The following EHD4 variants were observed in gnomAD, a reference collection of about 807,000 sequenced individuals.
EHD4 encodes the protein EH domain containing 4, also known as EH domain-containing protein 4.
In EHD4, 37 loss-of-function variants were observed where a neutral mutation model predicts 51.0. That is an observed-to-expected ratio of 0.73 (90% CI 0.56 to 0.95). The LOEUF is 0.95. Among genes scored for constraint, EHD4 ranks in the 40% least tolerant of loss-of-function variants. The probability of loss-of-function intolerance (pLI) is 0.00; values close to 1 mark genes in which losing one functional copy is unlikely to be tolerated. For synonymous variants in EHD4, 297 were observed against 317.3 expected (o/e 0.94, Z 0.68); for missense variants, 632 against 733.1 (o/e 0.86, Z 1.59).
At position 41,919,482 on chromosome 15, in the gene EHD4, G is replaced by C. The variant is rs576091991; in HGVS notation, c.652C>G (p.Arg218Gly). ...TGGTCGGCCTTGTTCAGCACGACAC[G>C]GATCTTGTCGTCCTGGCCCCGGAAG... ...KAFRGQDDKI[R>G]VVLNKADQVD... The change falls in exon 4 of 6, where the codon CGT becomes GGT. Residue 218 changes from arginine to glycine, a missense_variant. Physicochemically the swap from Arg to Gly is moderately radical, Grantham distance 125 (BLOSUM62 -2). Coordinates refer to ENST00000220325, the MANE Select transcript of EHD4 (RefSeq NM_139265.4). 5 of 1,559,828 alleles carry C rather than the reference G, an allele frequency of 3.2e-6. No homozygotes were observed. Among genetic ancestry groups the C allele is most frequent in the African/African-American group, 2.7e-5 (2 of 73,176 alleles).
At chr15:41,934,125 G>A (rs547765701) in intron 3 of EHD4, among the ~76,000 whole-genome samples, 12 of 152,016 alleles carry the variant, frequency 7.9e-5, no homozygotes, top group Admixed American at 1.3e-4. Flanking sequence ...GGTTGGTTTC[G>A]GTAGGTTCTC....
At position 41,952,921 on chromosome 15, in the gene EHD4, C is replaced by T. The variant is rs1416068041; in HGVS notation, c.413+843G>A. Among the ~76,000 whole-genome samples the T allele has an allele frequency of 3.4e-4, 44 of 128,870 alleles. No homozygotes were observed. In the Admixed American group the frequency reaches 3.8e-3, roughly 11 times the overall value. The allele number at this position is 128,870 out of a possible 152,430, so 84.5% of individuals were successfully genotyped here. ...AGGAGAATTGCTTGAACCTGGGAGGCGGAGGTTGCAGTGAGCGGAGATCAT... is the reference window on the plus strand; with the variant it reads ...AGGAGAATTGCTTGAACCTGGGAGGTGGAGGTTGCAGTGAGCGGAGATCAT... On this transcript the variant is annotated intron_variant, in intron 2 of 5. Coordinates refer to ENST00000220325, the MANE Select transcript of EHD4 (RefSeq NM_139265.4).
At chr15:41,922,995 G>A (rs536708723) in intron 3 of EHD4, among the ~76,000 whole-genome samples, 7 of 152,282 alleles carry the variant, frequency 4.6e-5, no homozygotes, top group African/African-American at 1.7e-4. Context: ...TCAAAGCTGG[G>A]AGAGGTTGGT....
intron 3 of EHD4, among the ~76,000 whole-genome samples, chr15:41,922,754 A>G (rs1229610565): frequency 6.6e-6 from 1 of 152,180 alleles, no homozygotes; most frequent in Non-Finnish European, 1.5e-5. Context: ...GAGCTGCCAG[A>G]TTTAAGTTTA....
chr15:41,967,860 C>CT (rs1338531934), intron 1 of EHD4, among the ~76,000 whole-genome samples: 1 of 152,228 alleles, frequency 6.6e-6, no homozygotes, highest in East Asian at 1.9e-4. Flanking sequence ...AAATACAGTT[C>CT]TTTGAGCAGA....
chr15:41,907,710 C>T (rs1026811134), intron 5 of EHD4, among the ~76,000 whole-genome samples: 4 of 151,698 alleles, frequency 2.6e-5, no homozygotes, highest in African/African-American at 4.9e-5. Flanking sequence ...TCTGCAGAGA[C>T]GGGGTTTCAC....
At chr15:41,925,538 C>A (rs2067655422) in intron 3 of EHD4, among the ~76,000 whole-genome samples, 1 of 152,194 alleles carries the variant, frequency 6.6e-6, no homozygotes, top group South Asian at 2.1e-4. Flanking sequence ...ATCATAGAAT[C>A]ATCCCACGGT....
intron 3 of EHD4, 90 bp from the exon 4 acceptor site, chr15:41,919,712 C>T: frequency 7.7e-7 from 1 of 1,294,946 alleles, no homozygotes; most frequent in Non-Finnish European, 1.0e-6. Flanking sequence ...TCTCCAGCAG[C>T]TGCCAGGGAG....
chr15:41,920,958 C>A (rs546080544), intron 3 of EHD4, among the ~76,000 whole-genome samples: 22 of 152,250 alleles, frequency 1.4e-4, no homozygotes, highest in African/African-American at 5.1e-4. Context: ...GGTGTGAATC[C>A]AAGGCAGAGG....
chr15:41,934,798 G>A (rs1208552186), intron 3 of EHD4, among the ~76,000 whole-genome samples: 1 of 152,214 alleles, frequency 6.6e-6, no homozygotes, highest in African/African-American at 2.4e-5. Flanking sequence ...CAATTGCACG[G>A]CCGAAGGAAA....
At chr15:41,938,884 C>T (rs187219359) in intron 3 of EHD4, among the ~76,000 whole-genome samples, 18 of 152,212 alleles carry the variant, frequency 1.2e-4, no homozygotes, top group African/African-American at 2.9e-4. Flanking sequence ...AGTCAGAATC[C>T]GGAGGTTTGT....
At chr15:41,934,440 A>G (rs887513592) in intron 3 of EHD4, among the ~76,000 whole-genome samples, 2 of 151,374 alleles carry the variant, frequency 1.3e-5, no homozygotes, top group African/African-American at 4.9e-5. Context: ...TCGGCCTCCC[A>G]AGGAGATAGG....
rs768440224 is a variant in EHD4, at chr15:41,900,826, C to T, written c.1445G>A (p.Ser482Asn). Reference sequence around the variant, plus strand: ...CAGCTTCCAGATCTTGCCCAGGACGCTGTTGGGCAGCTTGGAGGTCACCAT... The same window carrying T: ...CAGCTTCCAGATCTTGCCCAGGACGTTGTTGGGCAGCTTGGAGGTCACCAT... ...KEMVTSKLPN[S>N]VLGKIWKLAD... is the part of the protein sequence containing the mutation. Residue 482 changes from serine (S) to asparagine (N), a missense_variant, in exon 6 of 6, where the codon AGC becomes AAC. Physicochemically the swap from Ser to Asn is conservative, Grantham distance 46. Coordinates refer to ENST00000220325, the MANE Select transcript of EHD4 (RefSeq NM_139265.4). This position sits in a 1 kb window ranked among gnomAD's most constrained non-coding sequence, Gnocchi z 4.8. 33 of 1,614,072 alleles carry T rather than the reference C, an allele frequency of 2.0e-5. No homozygotes were observed. The highest frequency in any genetic ancestry group is 2.7e-5 in the Non-Finnish European group (32 of 1,180,050).
At chr15:41,965,220 CTG>C (rs1194352030) in intron 1 of EHD4, among the ~76,000 whole-genome samples, 1 of 152,116 alleles carries the variant, frequency 6.6e-6, no homozygotes, top group African/African-American at 2.4e-5. Context: ...AATGTCCAAC[CTG>C]TACTATAGAT....
chr15:41,907,707 A>G (rs1015205767), intron 5 of EHD4, among the ~76,000 whole-genome samples: 7 of 151,904 alleles, frequency 4.6e-5, no homozygotes, highest in African/African-American at 1.7e-4. Context: ...TTTTCTGCAG[A>G]GACGGGGTTT....
At chr15:41,951,763 T>C (rs567267617) in intron 2 of EHD4, among the ~76,000 whole-genome samples, 3 of 152,318 alleles carry the variant, frequency 2.0e-5, no homozygotes, top group Non-Finnish European at 2.9e-5. Flanking sequence ...CACTCTGTCC[T>C]GAGAGATCTG....
At chr15:41,901,820 C>T (rs1402791967) in intron 5 of EHD4, among the ~76,000 whole-genome samples, 3 of 152,208 alleles carry the variant, frequency 2.0e-5, no homozygotes, top group Non-Finnish European at 4.4e-5. Context: ...CCCCGTAGGA[C>T]CAGCCCCACC....
chr15:41,949,051 T>TATATATATATATATATACACAC (rs1491135423), intron 2 of EHD4, among the ~76,000 whole-genome samples: 1 of 109,432 alleles, frequency 9.1e-6, no homozygotes, highest in African/African-American at 3.7e-5. Context: ...TATATATATA[T>TATATATATATATATATACACAC]ACACACATAC....
At position 41,900,275 on chromosome 15, in the gene EHD4, G is replaced by A. The variant is rs2067466809; in HGVS notation, c.*370C>T. ...TTGTTCATGAGGACAAAAAGCCCAG[G>A]CAGCCTGGAGACCCAGCTGCTCTGG... On this transcript the variant is annotated 3_prime_UTR_variant, in exon 6 of 6. Coordinates refer to ENST00000220325, the MANE Select transcript of EHD4 (RefSeq NM_139265.4). The surrounding 1 kb of genome is among the most constrained non-coding windows in gnomAD (Gnocchi z 4.8). The A allele has an allele frequency of 8.6e-6, 2 of 231,954 alleles. No individual in the cohort carries two copies. The highest frequency in any genetic ancestry group is 2.3e-5 in the African/African-American group (1 of 44,272). The allele number at this position is 231,954 out of a possible 1,614,324, so 14.4% of individuals were successfully genotyped here. A position where few individuals can be genotyped will look rare whatever the true frequency, so the allele number is the denominator to read the frequency against.
Sources: allele counts gnomAD v4.1 joint callset (sites outside exome capture counted in the v4.1 genomes callset), GRCh38; gene constraint gnomAD v4.1.1; non-coding constraint Gnocchi (gnomAD v3.1); transcripts MANE v1.5; gene names NCBI Gene and HGNC (gene_info 2026-07-23, HGNC 2026-07-21).